PHACTR1: variants seen among roughly 807,000 people sequenced by gnomAD.
PHACTR1 encodes the protein phosphatase and actin regulator 1, also known as RPEL repeat containing 1.
In PHACTR1, 16 loss-of-function variants were observed where a neutral mutation model predicts 69.2. The ratio of observed to expected loss-of-function variants is 0.23; its 90% CI spans 0.16 to 0.35. The LOEUF (loss-of-function observed/expected upper bound fraction) is 0.35, where lower values mean the gene tolerates loss of function less well. Among genes scored for constraint, PHACTR1 ranks in the 10% least tolerant of loss-of-function variants. PHACTR1 has a pLI of 1.00. For synonymous variants in PHACTR1, 312 were observed against 284.5 expected (o/e 1.10, Z -0.97); for missense variants, 510 against 734.7 (o/e 0.69, Z 3.54).
chr6:13,007,470 C>T (rs1020927311), intron 4 of PHACTR1, among the ~76,000 whole-genome samples: 3 of 152,104 alleles, frequency 2.0e-5, no homozygotes, highest in African/African-American at 7.2e-5. Flanking sequence ...CAGACATGAG[C>T]AGCAATACCT....
chr6:13,271,307 C>T (rs1777660666), intron 10 of PHACTR1, among the ~76,000 whole-genome samples: 1 of 152,120 alleles, frequency 6.6e-6, no homozygotes, highest in African/African-American at 2.4e-5. Flanking sequence ...ACCAGGCCTC[C>T]CCCCGAGCAA....
At chr6:13,197,144 T>C (rs1764550958) in intron 7 of PHACTR1, among the ~76,000 whole-genome samples, 1 of 152,240 alleles carries the variant, frequency 6.6e-6, no homozygotes, top group African/African-American at 2.4e-5. Context: ...TGTATTATGA[T>C]GTTTGTCTCA....
intron 11 of PHACTR1, among the ~76,000 whole-genome samples, chr6:13,276,332 G>T (rs915061158): frequency 6.6e-6 from 1 of 152,170 alleles, no homozygotes; most frequent in Non-Finnish European, 1.5e-5. Context: ...TCAGGCCCGT[G>T]GGGGTGGCCC....
chr6:13,112,762 T>A (rs1480809275), intron 5 of PHACTR1, among the ~76,000 whole-genome samples: 1 of 152,200 alleles, frequency 6.6e-6, no homozygotes, highest in Non-Finnish European at 1.5e-5. Context: ...TTCTTATAGA[T>A]GCTGTATATT....
intron 11 of PHACTR1, chr6:13,273,197 A>C: frequency 2.5e-6 from 1 of 406,466 alleles, no homozygotes; most frequent in Non-Finnish European, 4.4e-6. Context: ...TTAGAGTGAG[A>C]CCACTTATTA....
chr6:13,003,951 C>CATATATATATATA (rs1491113560), intron 4 of PHACTR1, among the ~76,000 whole-genome samples: 22 of 93,548 alleles, frequency 2.4e-4, no homozygotes, highest in Admixed American at 4.8e-4. Context: ...AGTAGTATTC[C>CATATATATATATA]TATATATATA....
At chr6:12,811,424 G>A (rs1774998917) in intron 4 of PHACTR1, among the ~76,000 whole-genome samples, 1 of 152,138 alleles carries the variant, frequency 6.6e-6, no homozygotes, top group Non-Finnish European at 1.5e-5. Context: ...AATTTGACTT[G>A]TTGAAAGTAT....
At chr6:12,868,056 G>A (rs1285309373) in intron 4 of PHACTR1, among the ~76,000 whole-genome samples, 1 of 152,026 alleles carries the variant, frequency 6.6e-6, no homozygotes, top group East Asian at 1.9e-4. Context: ...TCAGGAGATG[G>A]AGACCATCCT....
chr6:12,819,022 C>G (rs1220871244), intron 4 of PHACTR1, among the ~76,000 whole-genome samples: 1 of 152,216 alleles, frequency 6.6e-6, no homozygotes. Context: ...AACAACACTA[C>G]AACTGCACCT....
chr6:12,916,733 A>G (rs1787053676), intron 4 of PHACTR1, among the ~76,000 whole-genome samples: 1 of 152,124 alleles, frequency 6.6e-6, no homozygotes, highest in South Asian at 2.1e-4. Flanking sequence ...CTTGTAGGAG[A>G]CAAAAATAGA....
intron 7 of PHACTR1, among the ~76,000 whole-genome samples, chr6:13,195,312 GT>G (rs1210117355): frequency 6.6e-6 from 1 of 152,146 alleles, no homozygotes; most frequent in Non-Finnish European, 1.5e-5. Flanking sequence ...AAGGAGATAA[GT>G]AATTCCAACT....
intron 4 of PHACTR1, among the ~76,000 whole-genome samples, chr6:12,772,142 T>G (rs1769466061): frequency 6.6e-6 from 1 of 152,298 alleles, no homozygotes; most frequent in African/African-American, 2.4e-5. Context: ...GAGACAGATG[T>G]CAAGAGAGGT....
chr6:12,992,147 C>G (rs915034418), intron 4 of PHACTR1, among the ~76,000 whole-genome samples: 2 of 152,138 alleles, frequency 1.3e-5, no homozygotes, highest in Non-Finnish European at 2.9e-5. Flanking sequence ...TCTCCCTTCT[C>G]CAATCCCCTC....
chr6:12,959,832 A>T (rs1161436211), intron 4 of PHACTR1, among the ~76,000 whole-genome samples: 2 of 152,206 alleles, frequency 1.3e-5, no homozygotes, highest in Non-Finnish European at 2.9e-5. Flanking sequence ...CTCTGCATAG[A>T]TCATGGTGCC....
chr6:12,882,596 A>T (rs1783209604), intron 4 of PHACTR1, among the ~76,000 whole-genome samples: 1 of 152,258 alleles, frequency 6.6e-6, no homozygotes. Flanking sequence ...TGTGAAAATA[A>T]TCAGAGAGAT....
At chr6:12,723,761 A>G (rs748218763) in intron 3 of PHACTR1, among the ~76,000 whole-genome samples, 2 of 152,104 alleles carry the variant, frequency 1.3e-5, no homozygotes, top group Non-Finnish European at 2.9e-5. Flanking sequence ...TGCTGGGATT[A>G]TAGGCCACAC....
chr6:13,064,586 ATATATATATATATATATATC>A lies in PHACTR1; in HGVS notation c.415+11065_415+11084del, dbSNP rs1186188944. The stretch of plus-strand genomic sequence containing the variant: ...TATATATATATATATATATATATAT[ATATATATATATATATATATC>A]TATATATCTATCTATCCACACTTGC... On this transcript the variant is annotated intron_variant, in intron 5 of 14. Transcript: ENST00000332995. Among the ~76,000 whole-genome samples the A allele has an allele frequency of 4.0e-3, 36 of 8,902 alleles. 2 individuals are homozygous for A. Among genetic ancestry groups the A allele is most frequent in the South Asian group, 0.015 (3 of 198 alleles). The allele number at this position is 8,902 out of a possible 152,430, so 5.8% of individuals were successfully genotyped here. A position where few individuals can be genotyped will look rare whatever the true frequency, so the allele number is the denominator to read the frequency against.
chr6:13,121,107 G>A (rs1818662466), intron 5 of PHACTR1, among the ~76,000 whole-genome samples: 1 of 152,182 alleles, frequency 6.6e-6, no homozygotes, highest in African/African-American at 2.4e-5. Flanking sequence ...CTTAGGTCTT[G>A]GGTGGTCTGC....
In PHACTR1 at chr6:13,030,976, A is replaced by G. The variant is rs140209496; in HGVS notation, c.251-22389A>G. Among the ~76,000 whole-genome samples, 16 of 152,242 alleles carry G rather than the reference A, an allele frequency of 1.1e-4. No individual in the cohort carries two copies. The East Asian group carries it at 2.9e-3, about 28-fold the overall frequency. On this transcript the variant is annotated intron_variant, in intron 4 of 14. Transcript: ENST00000332995. ...TTCAGCAGTATCCTGGCCTCCACTC[A>G]CTAGATGCCAGTAGCAGATGTCCCC...
Sources: gnomAD v4.1 joint callset for allele counts (sites outside exome capture counted in the v4.1 genomes callset) on GRCh38, gnomAD v4.1.1 for gene constraint, MANE v1.5 for transcripts, NCBI Gene and HGNC (gene_info 2026-07-23, HGNC 2026-07-21) for gene names.